Variants in STX18 observed in about 807,000 individuals in gnomAD.
STX18 encodes the protein syntaxin 18, also known as syntaxin-18.
STX18 carries 40 observed loss-of-function variants against 50.1 expected under a neutral mutation model. That is an observed-to-expected ratio of 0.80 (90% CI 0.62 to 1.04). The LOEUF (loss-of-function observed/expected upper bound fraction) is 1.04, where lower values mean the gene tolerates loss of function less well. Ranked by LOEUF, STX18 falls within the 50% of genes least tolerant of loss-of-function variation. The pLI is 0.00. For missense variants in STX18, 410 were observed against 415.8 expected (o/e 0.99, Z 0.12); for synonymous variants, 158 against 151.8 (o/e 1.04, Z -0.30).
At chr4:4,511,283 C>T (rs561763372) in intron 1 of STX18, among the ~76,000 whole-genome samples, 1 of 152,330 alleles carries the variant, frequency 6.6e-6, no homozygotes, top group Admixed American at 6.5e-5. Flanking sequence ...CTTGTCCAGC[C>T]TACGCTAATG....
intron 8 of STX18, 93 bp downstream of exon 8, chr4:4,425,071 T>TG: frequency 1.7e-6 from 2 of 1,209,162 alleles, no homozygotes; most frequent in South Asian, 2.5e-5. Context: ...AAGGGCCCCA[T>TG]GGGGATGCCT....
chr4:4,424,334 T>C (rs1725129477), intron 8 of STX18, among the ~76,000 whole-genome samples: 1 of 150,546 alleles, frequency 6.6e-6, no homozygotes, highest in Non-Finnish European at 1.5e-5. Flanking sequence ...GCTGAGCTCC[T>C]GGCCAGGTGG....
At chr4:4,491,784 C>T (rs1025660700) in intron 1 of STX18, among the ~76,000 whole-genome samples, 4 of 151,990 alleles carry the variant, frequency 2.6e-5, no homozygotes, top group South Asian at 2.1e-4. Flanking sequence ...GTGTAATATA[C>T]GTTAAAGGTA....
Position 4,421,165 on chromosome 4 carries a change from A to C in STX18, c.832-221T>G, listed in dbSNP as rs539478470. Among the ~76,000 whole-genome samples the C allele has an allele frequency of 9.8e-5, 15 of 152,296 alleles. No individual in the cohort carries two copies. In the East Asian group the frequency reaches 2.9e-3, roughly 29 times the overall value. ...TATCATGACAAGAACAGTAGCCGTC[A>C]CCAAGGGCTAACGGCTTTACTTGCA... is the stretch of plus-strand genomic sequence containing the variant. On this transcript the variant is annotated intron_variant, in intron 9 of 10. Coordinates refer to ENST00000306200, the MANE Select transcript of STX18 (RefSeq NM_016930.4).
At chr4:4,520,698 C>T (rs139015320) in intron 1 of STX18, among the ~76,000 whole-genome samples, 361 of 152,028 alleles carry the variant, frequency 2.4e-3, no homozygotes, top group African/African-American at 8.2e-3. Flanking sequence ...ACTTAAGGCC[C>T]CAAACCAAAG....
chr4:4,421,770 T>C (rs1724978746), intron 9 of STX18, among the ~76,000 whole-genome samples: 1 of 152,240 alleles, frequency 6.6e-6, no homozygotes, highest in Admixed American at 6.5e-5. Context: ...TCAAAAATAG[T>C]GCTTTGTGTT....
At chr4:4,477,784 T>G (rs1728263336) in intron 1 of STX18, 1 of 152,216 alleles carries the variant, frequency 6.6e-6, no homozygotes, top group African/African-American at 2.4e-5. Context: ...AGCCTCCACG[T>G]GGGCAATATC....
chr4:4,453,379 T>A (rs1349672856), intron 5 of STX18, among the ~76,000 whole-genome samples: 4 of 152,132 alleles, frequency 2.6e-5, no homozygotes, highest in African/African-American at 9.7e-5. Context: ...TCAGTAGCCA[T>A]CAACACTGAG....
chr4:4,514,605 G>A (rs1560204105), intron 1 of STX18, among the ~76,000 whole-genome samples: 1 of 152,182 alleles, frequency 6.6e-6, no homozygotes, highest in Non-Finnish European at 1.5e-5. Flanking sequence ...GTTTTAAGCA[G>A]TAATACAATA....
chr4:4,527,824 TTA>T (rs899145664), intron 1 of STX18, among the ~76,000 whole-genome samples: 8 of 105,884 alleles, frequency 7.6e-5, no homozygotes, highest in South Asian at 5.8e-4. Context: ...ATATATAATT[TTA>T]TATATATATG....
At chr4:4,462,585 G>C (rs1560176301) in intron 2 of STX18, among the ~76,000 whole-genome samples, 1 of 151,954 alleles carries the variant, frequency 6.6e-6, no homozygotes, top group Non-Finnish European at 1.5e-5. Flanking sequence ...TTTCTAGCTG[G>C]GTATCATGTC....
At chr4:4,435,457 T>C (rs979981472) in intron 6 of STX18, among the ~76,000 whole-genome samples, 4 of 152,232 alleles carry the variant, frequency 2.6e-5, no homozygotes, top group Non-Finnish European at 4.4e-5. Flanking sequence ...TTTGTGTGTA[T>C]GGCGGCTTGC....
At position 4,438,406 on chromosome 4, in the gene STX18, C is replaced by T. The variant is rs757868590; in HGVS notation, c.601G>A (p.Glu201Lys). The T allele has an allele frequency of 2.5e-6, 4 of 1,611,248 alleles. No individual in the cohort carries two copies. The African/African-American group carries it at 5.4e-5, about 22-fold the overall frequency. ...SKDSEENPAT[E>K]ERPEKILAET... ...TCTCAATTCGTACCTGGACGTTCTT[C>T]AGTGGCAGGGTTTTCTTCAGAGTCT... Residue 201 changes from glutamate to lysine, a missense_variant, in exon 6 of 11, where the codon GAA becomes AAA. By Grantham distance (56) the Glu-to-Lys change is moderately conservative. Coordinates refer to ENST00000306200, the MANE Select transcript of STX18 (RefSeq NM_016930.4).
intron 3 of STX18, among the ~76,000 whole-genome samples, chr4:4,458,510 T>C (rs749810837): frequency 2.6e-5 from 4 of 152,200 alleles, no homozygotes; most frequent in Non-Finnish European, 4.4e-5. Flanking sequence ...CCAACAAAAG[T>C]CTGTGTTGTG....
In STX18 at chr4:4,437,629, G is replaced by A. The variant is rs559338717; in HGVS notation, c.613+765C>T. The A allele has an allele frequency of 4.1e-6, 4 of 985,248 alleles. No individual in the cohort carries two copies. The African/African-American group carries it at 7.0e-5, about 17-fold the overall frequency. The allele number at this position is 985,248 out of a possible 1,614,324, so 61.0% of individuals were successfully genotyped here. A position where few individuals can be genotyped will look rare whatever the true frequency, so the allele number is the denominator to read the frequency against. ...ACCATGCCTAGCATCTGGAAGACAA[G>A]AGTTAATAAGAACTGCCATGAGACT... On this transcript the variant is annotated intron_variant, in intron 6 of 10. Transcript: ENST00000306200.
At chr4:4,504,430 T>C (rs914685653) in intron 1 of STX18, among the ~76,000 whole-genome samples, 1 of 152,194 alleles carries the variant, frequency 6.6e-6, no homozygotes, top group African/African-American at 2.4e-5. Context: ...TGCCAGACTT[T>C]ATTAGGCACT....
At chr4:4,484,150 CCG>C (rs1728599926) in intron 1 of STX18, among the ~76,000 whole-genome samples, 1 of 152,156 alleles carries the variant, frequency 6.6e-6, no homozygotes, top group Non-Finnish European at 1.5e-5. Context: ...GTGTGAGCCA[CCG>C]TGCCCGGCCC....
chr4:4,495,553 T>C (rs1729129572), intron 1 of STX18, among the ~76,000 whole-genome samples: 1 of 144,078 alleles, frequency 6.9e-6, no homozygotes, highest in African/African-American at 2.6e-5. Context: ...TGGCTAATTT[T>C]TTTTCTTTTC....
At chr4:4,523,370 G>A (rs942773752) in intron 1 of STX18, among the ~76,000 whole-genome samples, 7 of 152,090 alleles carry the variant, frequency 4.6e-5, no homozygotes, top group African/African-American at 1.7e-4. Flanking sequence ...CTTTCCTCAA[G>A]GCTTCAATCT....
Sources: gnomAD v4.1 joint callset for allele counts (sites outside exome capture counted in the v4.1 genomes callset) on GRCh38, gnomAD v4.1.1 for gene constraint, MANE v1.5 for transcripts, NCBI Gene and HGNC (gene_info 2026-07-23, HGNC 2026-07-21) for gene names.